LARP1: variants seen among roughly 807,000 people sequenced by gnomAD.
The protein encoded by LARP1 is La ribonucleoprotein 1, translational regulator, also known as la-related protein 1.
Under a neutral mutation model 122.7 loss-of-function variants are expected in LARP1, and 36 were observed. That is an observed-to-expected ratio of 0.29 (90% confidence interval 0.22 to 0.39). LARP1 has a LOEUF of 0.39. LARP1 is among the 10% of genes least tolerant of loss of function. The probability of loss-of-function intolerance (pLI) is 1.00; values close to 1 mark genes in which losing one functional copy is unlikely to be tolerated. For synonymous variants in LARP1, 539 were observed against 528.7 expected (o/e 1.02, Z -0.27); for missense variants, 1,040 against 1,403.6 (o/e 0.74, Z 4.14).
intron 1 of LARP1, among the ~76,000 whole-genome samples, chr5:154,770,410 G>A (rs940427041): frequency 1.3e-5 from 2 of 152,048 alleles, no homozygotes; most frequent in Non-Finnish European, 2.9e-5. Flanking sequence ...CCTGGTTTTG[G>A]ATCTCTTGGC....
chr5:154,764,169 C>T (rs1170281041), intron 1 of LARP1, among the ~76,000 whole-genome samples: 8 of 151,536 alleles, frequency 5.3e-5, no homozygotes, highest in African/African-American at 1.7e-4. Context: ...ATTAGCTGGG[C>T]GTGGTGGCAT....
chr5:154,691,972 C>CA (rs5872395), intron 1 of LARP1, among the ~76,000 whole-genome samples: 67,384 of 151,886 alleles, frequency 0.44, 16,074 homozygotes, highest in Non-Finnish European at 0.55. Context: ...GTATTTTTAG[C>CA]AGAGACGGGG....
At chr5:154,799,516 A>G in intron 8 of LARP1, 75 bp from the exon 9 acceptor site, 1 of 1,527,182 alleles carries the variant, frequency 6.5e-7, no homozygotes, top group Non-Finnish European at 9.0e-7. Context: ...AGGGGAACCC[A>G]GTTGTCTACC....
intron 1 of LARP1, among the ~76,000 whole-genome samples, chr5:154,765,518 GT>G (rs1206665234): frequency 6.6e-6 from 1 of 152,166 alleles, no homozygotes; most frequent in African/African-American, 2.4e-5. Context: ...AGCCTCCAGA[GT>G]AGTAGCTGAG....
At position 154,755,957 on chromosome 5, in the gene LARP1, G is replaced by A; in HGVS notation, c.200G>A (p.Gly67Asp). The change falls in exon 1 of 19, where the codon GGC (glycine) becomes GAC (aspartate). Residue 67 changes from glycine to aspartate, a missense_variant. This residue lies in a region of LARP1 where 257 missense variants were observed against 273.3 expected (regional missense o/e 0.94). Transcript: ENST00000518297. ...RPPCAKPHKE[G>D]TGQQERESPR... ...CCCTGCGCCAAGCCGCACAAGGAGG[G>A]CACCGGGCAGCAGGAGCGCGAGAGC... 7 of 1,002,774 alleles carry A rather than the reference G, an allele frequency of 7.0e-6. No individual in the cohort carries two copies. Among genetic ancestry groups the A allele is most frequent in the Non-Finnish European group, 8.3e-6 (7 of 842,986 alleles). 62.1% of individuals were successfully genotyped at this position (1,002,774 alleles called of 1,614,324 possible).
rs978161055 is a variant in LARP1, at chr5:154,805,616, C to T, written c.2547-265C>T. The T allele has an allele frequency of 1.0e-5, 4 of 389,092 alleles. No individual in the cohort carries two copies. In the Admixed American group the frequency reaches 1.7e-4, roughly 16 times the overall value. The allele number at this position is 389,092 out of a possible 1,614,324, so 24.1% of individuals were successfully genotyped here. Reference sequence around the variant, plus strand: ...AAAGCTCAAGTTTTATCATTGGACACGTTTCTGCCATTAAATAGTCTTATG... The same window carrying T: ...AAAGCTCAAGTTTTATCATTGGACATGTTTCTGCCATTAAATAGTCTTATG... On this transcript the variant is annotated intron_variant, in intron 14 of 18. Coordinates refer to ENST00000518297, the MANE Select transcript of LARP1 (RefSeq NM_033551.3).
chr5:154,794,409 GA>G, intron 7 of LARP1, 147 bp downstream of exon 7: 2 of 715,378 alleles, frequency 2.8e-6, no homozygotes, highest in Non-Finnish European at 4.5e-6. Context: ...GTTTATTAAA[GA>G]AGTGATACCA....
intron 1 of LARP1, among the ~76,000 whole-genome samples, chr5:154,691,430 C>A (rs1013100987): frequency 2.0e-5 from 3 of 152,180 alleles, no homozygotes; most frequent in Non-Finnish European, 2.9e-5. Context: ...CAGCTCACAT[C>A]CCCCTGCGAC....
In LARP1 at chr5:154,790,311, T is replaced by C; in HGVS notation, c.437-14T>C. 6.2e-7 allele frequency: 1 copy of C among 1,611,174 alleles called. No individual in the cohort carries two copies. ...GGGCTTTGCATTACTAACTCTCCCTTCTTGTTCCCACAGAACACTCTGCTC... is the reference window on the plus strand; with the variant it reads ...GGGCTTTGCATTACTAACTCTCCCTCCTTGTTCCCACAGAACACTCTGCTC... On this transcript the variant is annotated splice_polypyrimidine_tract_variant and intron_variant, in intron 1 of 18. Coordinates refer to ENST00000518297, the MANE Select transcript of LARP1 (RefSeq NM_033551.3).
chr5:154,709,707 T>A (rs970855364), upstream of LARP1, among the ~76,000 whole-genome samples: 1 of 147,994 alleles, frequency 6.8e-6, no homozygotes, highest in African/African-American at 2.5e-5. Flanking sequence ...GAGGCGCAGA[T>A]GGAAGCAGTA....
upstream of LARP1, among the ~76,000 whole-genome samples, chr5:154,711,211 G>C (rs1275079995): frequency 6.7e-6 from 1 of 150,246 alleles, no homozygotes; most frequent in Non-Finnish European, 1.5e-5. Context: ...GTGTGATCTT[G>C]GCTCACTGCA....
intron 1 of LARP1, among the ~76,000 whole-genome samples, chr5:154,778,066 C>T (rs1455644414): frequency 6.6e-6 from 1 of 151,952 alleles, no homozygotes; most frequent in Non-Finnish European, 1.5e-5. Flanking sequence ...TCGAGACCAT[C>T]CTGGCTAACA....
At chr5:154,792,388 G>C (rs1757416767) in intron 3 of LARP1, among the ~76,000 whole-genome samples, 1 of 152,188 alleles carries the variant, frequency 6.6e-6, no homozygotes, top group African/African-American at 2.4e-5. Context: ...GGTTGTCTCT[G>C]TCACTTAGAC....
At position 154,814,923 on chromosome 5, in the gene LARP1, A is replaced by C. The variant is rs1759568093; in HGVS notation, c.*827A>C. ...CCAAAAAAAAAAAAAAAATCAGAAA[A>C]CCCCCACCTAATCCACAGAAAGTAA... On this transcript the variant is annotated 3_prime_UTR_variant, in exon 19 of 19. Transcript: ENST00000518297. The C allele has an allele frequency of 6.6e-6, 1 of 151,862 alleles. No individual in the cohort carries two copies. The highest frequency in any genetic ancestry group is 1.5e-5 in the Non-Finnish European group (1 of 67,856). 9.4% of individuals were successfully genotyped at this position (151,862 alleles called of 1,614,324 possible). A position where few individuals can be genotyped will look rare whatever the true frequency, so the allele number is the denominator to read the frequency against.
At chr5:154,781,740 G>C (rs1289286213) in intron 1 of LARP1, among the ~76,000 whole-genome samples, 1 of 152,198 alleles carries the variant, frequency 6.6e-6, no homozygotes, top group Non-Finnish European at 1.5e-5. Flanking sequence ...TTAAAACATT[G>C]AGATTTTCTT....
At chr5:154,710,180 A>G (rs550140998), upstream of LARP1, among the ~76,000 whole-genome samples, 56 of 152,208 alleles carry the variant, frequency 3.7e-4, no homozygotes, top group Non-Finnish European at 4.6e-4. Context: ...AACAGGCCAC[A>G]GACTGGTACC....
chr5:154,705,241 A>G (rs914248320), intron 1 of LARP1, among the ~76,000 whole-genome samples: 3 of 152,192 alleles, frequency 2.0e-5, no homozygotes, highest in Admixed American at 2.0e-4. Context: ...AATCAAAACC[A>G]TGATGAGATA....
At chr5:154,774,821 CT>C (rs1561589814) in intron 1 of LARP1, among the ~76,000 whole-genome samples, 1 of 152,174 alleles carries the variant, frequency 6.6e-6, no homozygotes, top group Non-Finnish European at 1.5e-5. Flanking sequence ...CGTCTGGTCA[CT>C]TCTTTTACAG....
chr5:154,769,874 G>A (rs1170339178), intron 1 of LARP1, among the ~76,000 whole-genome samples: 2 of 152,184 alleles, frequency 1.3e-5, no homozygotes, highest in Non-Finnish European at 2.9e-5. Context: ...TTGATAAGGA[G>A]ACTGGTGGTG....
Sources: gnomAD v4.1 joint callset for allele counts (sites outside exome capture counted in the v4.1 genomes callset) on GRCh38, gnomAD v4.1.1 for gene constraint, gnomAD v4.1.1 regional missense constraint, MANE v1.5 for transcripts, NCBI Gene and HGNC (gene_info 2026-07-23, HGNC 2026-07-21) for gene names.